ANKRD36C: variants seen among roughly 807,000 people sequenced by gnomAD.
ANKRD36C encodes ankyrin repeat domain-containing protein 36C.
Under a neutral mutation model 276.4 loss-of-function variants are expected in ANKRD36C, and 61 were observed. That is an observed-to-expected ratio of 0.22 (90% confidence interval 0.18 to 0.27). ANKRD36C has a LOEUF of 0.27. Among genes scored for constraint, ANKRD36C ranks in the 10% least tolerant of loss-of-function variants. The pLI is 1.00. For missense variants in ANKRD36C, 1,447 were observed against 2,032.3 expected, an observed-to-expected ratio of 0.71 and a Z score of 5.54; for synonymous variants, 483 against 680.1, an observed-to-expected ratio of 0.71 and a Z score of 4.51.
chr2:95,910,298 C>G lies in ANKRD36C; in HGVS notation c.2653+1946G>C, dbSNP rs865827908. The G allele has an allele frequency of 2.1e-6, 3 of 1,444,060 alleles. No homozygotes were observed. The East Asian group carries it at 7.6e-5, about 37-fold the overall frequency. The allele number at this position is 1,444,060 out of a possible 1,614,324, so 89.5% of individuals were successfully genotyped here. The stretch of plus-strand genomic sequence containing the variant: ...GAAAGTGCAGCTTCGACGAGCCACC[C>G]GCTGCTTTATTTGGAGAAGAGAACT... On this transcript the variant is annotated intron_variant, in intron 42 of 66. Coordinates refer to ENST00000456556, the Ensembl canonical transcript of ANKRD36C.
At chr2:95,865,455 G>C (rs1241321657) in intron 60 of ANKRD36C, among the ~76,000 whole-genome samples, 3 of 152,030 alleles carry the variant, frequency 2.0e-5, no homozygotes, top group Non-Finnish European at 4.4e-5. Flanking sequence ...TAAATCAATA[G>C]TAACCAAAAC....
chr2:95,935,796 A>C (rs1419215758), intron 22 of ANKRD36C, among the ~76,000 whole-genome samples, 152 bp from the exon 23 acceptor site: 297 of 146,406 alleles, frequency 2.0e-3, no homozygotes, highest in African/African-American at 8.1e-3. Flanking sequence ...ATGTGATGTC[A>C]AAAGAAAGGA....
Position 95,888,099 on chromosome 2 carries a change from G to C in ANKRD36C, c.2981C>G (p.Ala994Gly). ...AAATGACAGTTTAATTACCTTCAAG[G>C]CTGGTTGTTTCTGAGAAGACACTGA... The change falls in exon 49 of 67, where the codon GCC becomes GGC. Residue 994 changes from alanine (A) to glycine (G), a missense_variant. This residue lies in a region of ANKRD36C where 565 missense variants were observed against 539.5 expected (regional missense o/e 1.05). Coordinates refer to ENST00000456556, the Ensembl canonical transcript of ANKRD36C. 3 of 1,609,122 alleles carry C rather than the reference G, an allele frequency of 1.9e-6. No homozygotes were observed. The South Asian group carries it at 3.3e-5, about 18-fold the overall frequency.
chr2:95,870,973 A>G (rs1004872946), intron 59 of ANKRD36C, among the ~76,000 whole-genome samples: 36 of 152,282 alleles, frequency 2.4e-4, no homozygotes, highest in Admixed American at 5.9e-4. Flanking sequence ...AGAAAAAAGA[A>G]TGAAAAGAAA....
intron 46 of ANKRD36C, among the ~76,000 whole-genome samples, chr2:95,891,161 A>G (rs1430203908): frequency 6.6e-6 from 1 of 151,418 alleles, no homozygotes; most frequent in East Asian, 1.9e-4. Flanking sequence ...AGAAACCCCA[A>G]AATTATATAA....
chr2:95,885,734 C>T (rs1184164370), intron 52 of ANKRD36C, among the ~76,000 whole-genome samples: 1 of 151,822 alleles, frequency 6.6e-6, no homozygotes, highest in Non-Finnish European at 1.5e-5. Flanking sequence ...TCTCGTTCTC[C>T]TTCCCCTCTT....
intron 22 of ANKRD36C, among the ~76,000 whole-genome samples, chr2:95,937,596 C>T (rs1189551831): frequency 6.6e-6 from 1 of 152,310 alleles, no homozygotes; most frequent in African/African-American, 2.4e-5. Context: ...CAAAGGGGTC[C>T]TAAACTGTGA....
intron 42 of ANKRD36C, 112 bp from the exon 53 acceptor site, chr2:95,903,193 C>G: frequency 6.7e-7 from 1 of 1,484,810 alleles, no homozygotes; most frequent in Non-Finnish European, 9.1e-7. Context: ...TTAGCGTAGG[C>G]TTTGATGGCT....
intron 44 of ANKRD36C, 141 bp downstream of exon 60, chr2:95,897,129 C>T: frequency 2.8e-6 from 3 of 1,082,028 alleles, no homozygotes; most frequent in Non-Finnish European, 3.9e-6. Context: ...TCATCACCCA[C>T]AAACTTATTT....
chr2:95,938,793 C>T, intron 22 of ANKRD36C, 36 bp downstream of exon 22: 1 of 1,537,612 alleles, frequency 6.5e-7, no homozygotes, highest in African/African-American at 1.4e-5. Context: ...TTTTCATCTA[C>T]ATTTTCTAGA....
intron 46 of ANKRD36C, 34 bp downstream of exon 66, chr2:95,891,631 C>A (rs540560318): frequency 6.5e-7 from 1 of 1,540,304 alleles, no homozygotes; most frequent in Non-Finnish European, 8.8e-7. Flanking sequence ...TCTATCTGCA[C>A]TGAACATGAC....
intron 62 of ANKRD36C, 58 bp from the exon 83 acceptor site, chr2:95,856,238 G>C (rs1675409181): frequency 6.3e-7 from 1 of 1,581,098 alleles, no homozygotes; most frequent in African/African-American, 1.4e-5. Flanking sequence ...TATTGTGATT[G>C]CTTCTGAAAT....
intron 34 of ANKRD36C, among the ~76,000 whole-genome samples, chr2:95,921,220 T>C (rs1440397664): frequency 6.6e-6 from 1 of 150,734 alleles, no homozygotes; most frequent in African/African-American, 2.5e-5. Flanking sequence ...CTATCAGTTT[T>C]CTGTCTTTTC....
exon 40 of ANKRD36C, chr2:95,914,157 A>C (rs550270595): frequency 6.3e-7 from 1 of 1,584,536 alleles, no homozygotes; most frequent in East Asian, 2.3e-5. Flanking sequence ...TATTCAAAAC[A>C]GAATCTTCCT....
chr2:95,928,338 C>T (rs1677467091), intron 26 of ANKRD36C, among the ~76,000 whole-genome samples: 1 of 151,532 alleles, frequency 6.6e-6, no homozygotes, highest in Non-Finnish European at 1.5e-5. Flanking sequence ...CCAATGTATT[C>T]ATATGCAAGT....
downstream of ANKRD36C, among the ~76,000 whole-genome samples, chr2:95,850,909 G>A (rs1675278714): frequency 6.6e-6 from 1 of 152,142 alleles, no homozygotes; most frequent in South Asian, 2.1e-4. Flanking sequence ...GAAGAAAAGT[G>A]TAGGGCCAGA....
At chr2:95,910,796 C>T (rs535611222) in intron 42 of ANKRD36C, among the ~76,000 whole-genome samples, 1 of 151,458 alleles carries the variant, frequency 6.6e-6, no homozygotes, top group African/African-American at 2.4e-5. Flanking sequence ...TACGATTTCT[C>T]ATATGTCTAA....
At chr2:95,987,578 A>C (rs1376172192) in intron 1 of ANKRD36C, among the ~76,000 whole-genome samples, 1 of 135,166 alleles carries the variant, frequency 7.4e-6, no homozygotes, top group Non-Finnish European at 1.6e-5. Flanking sequence ...CAGCTCAATA[A>C]TTTTTAGATA....
At chr2:95,989,040 A>G (rs571145351) in intron 1 of ANKRD36C, among the ~76,000 whole-genome samples, 9 of 152,264 alleles carry the variant, frequency 5.9e-5, no homozygotes, top group East Asian at 5.8e-4. Flanking sequence ...ATGGTGGCAC[A>G]CATCTGTAAT....
Sources: allele counts gnomAD v4.1 joint callset (sites outside exome capture counted in the v4.1 genomes callset), GRCh38; gene constraint gnomAD v4.1.1; regional missense constraint gnomAD v4.1.1; transcripts MANE v1.5; gene names NCBI Gene and HGNC (gene_info 2026-07-23, HGNC 2026-07-21).